TCAIM: variants seen among roughly 807,000 people sequenced by gnomAD.
TCAIM encodes T-cell activation inhibitor, mitochondrial.
Under a neutral mutation model 58.6 loss-of-function variants are expected in TCAIM, and 36 were observed. That is an observed-to-expected ratio of 0.61 (90% confidence interval 0.47 to 0.81). The LOEUF (loss-of-function observed/expected upper bound fraction) is 0.81, where lower values mean the gene tolerates loss of function less well. Among genes scored for constraint, TCAIM ranks in the 30% least tolerant of loss-of-function variants. The pLI, the probability that TCAIM is intolerant of heterozygous loss-of-function variation, is 0.00. For missense variants in TCAIM, 466 were observed against 579.6 expected (o/e 0.80, Z 2.01); for synonymous variants, 172 against 193.6 (o/e 0.89, Z 0.93).
chr3:44,363,345 C>T (rs73829634), intron 4 of TCAIM, among the ~76,000 whole-genome samples: 175 of 152,198 alleles, frequency 1.1e-3, no homozygotes, highest in African/African-American at 3.9e-3. Context: ...GCCTTTATAA[C>T]AAAGATTGGC....
intron 6 of TCAIM, among the ~76,000 whole-genome samples, chr3:44,393,461 A>G (rs1701872267): frequency 1.3e-5 from 2 of 152,130 alleles, no homozygotes; most frequent in African/African-American, 4.8e-5. Context: ...ACTTCATCTC[A>G]ATTTATATAT....
At chr3:44,351,033 T>C (rs1455992552) in intron 1 of TCAIM, among the ~76,000 whole-genome samples, 1 of 152,206 alleles carries the variant, frequency 6.6e-6, no homozygotes, top group Admixed American at 6.5e-5. Flanking sequence ...TGAGATGGAG[T>C]CTCACTCTCT....
At chr3:44,348,215 G>GTC (rs536258069) in intron 1 of TCAIM, among the ~76,000 whole-genome samples, 30 of 152,352 alleles carry the variant, frequency 2.0e-4, no homozygotes, top group Admixed American at 9.1e-4. Flanking sequence ...ACCCTCCACT[G>GTC]TAAGAGTTAC....
At chr3:44,395,135 A>G (rs1332038392) in intron 6 of TCAIM, among the ~76,000 whole-genome samples, 1 of 151,278 alleles carries the variant, frequency 6.6e-6, no homozygotes, top group Non-Finnish European at 1.5e-5. Flanking sequence ...TAAACAGCCT[A>G]TATAAAACAC....
Position 44,396,431 on chromosome 3 carries a change from T to C in TCAIM, c.727T>C (p.Cys243Arg). ...GAGGAGCTGGGGCATCGCCCACCGC[T>C]GTAGCCAGCTGCATAGTTTAAGCCG... ...WQRSWGIAHR[C>R]SQLHSLSRLA... is the part of the protein sequence containing the mutation. The change falls in exon 7 of 11, where the codon TGT (cysteine) becomes CGT (arginine). Residue 243 changes from cysteine to arginine, a missense_variant. Transcript: ENST00000342649. 6.2e-7 allele frequency: 1 copy of C among 1,613,892 alleles called. No homozygotes were observed. Among genetic ancestry groups the C allele is most frequent in the South Asian group, 1.1e-5 (1 of 91,032 alleles).
intron 1 of TCAIM, among the ~76,000 whole-genome samples, chr3:44,351,812 A>C (rs1475075369): frequency 6.6e-6 from 1 of 152,072 alleles, no homozygotes; most frequent in Non-Finnish European, 1.5e-5. Context: ...TTAATATTTA[A>C]ATGGATACCT....
chr3:44,390,529 T>C (rs1172489638), intron 5 of TCAIM, among the ~76,000 whole-genome samples: 1 of 152,052 alleles, frequency 6.6e-6, no homozygotes, highest in Non-Finnish European at 1.5e-5. Context: ...AGGCTAAGTC[T>C]GGAGGATCAC....
intron 4 of TCAIM, among the ~76,000 whole-genome samples, chr3:44,366,357 G>C (rs181442403): frequency 6.6e-6 from 1 of 151,088 alleles, no homozygotes; most frequent in African/African-American, 2.4e-5. Flanking sequence ...GTACAATCTC[G>C]GCTCACTGCA....
chr3:44,375,431 C>T (rs1186474364), intron 5 of TCAIM, among the ~76,000 whole-genome samples: 4 of 152,082 alleles, frequency 2.6e-5, no homozygotes, highest in African/African-American at 4.8e-5. Flanking sequence ...GAGGAGGAGG[C>T]GCCAGGCTAT....
chr3:44,371,561 G>C (rs941916632), intron 5 of TCAIM, among the ~76,000 whole-genome samples: 1 of 152,158 alleles, frequency 6.6e-6, no homozygotes, highest in Admixed American at 6.5e-5. Flanking sequence ...ATGCAGGGTA[G>C]GCTAAATCCC....
chr3:44,399,086 G>A (rs1264378437), intron 8 of TCAIM, among the ~76,000 whole-genome samples: 2 of 151,898 alleles, frequency 1.3e-5, no homozygotes, highest in Admixed American at 6.6e-5. Flanking sequence ...TTTGACTGTG[G>A]CAGTGTCACA....
chr3:44,353,870 G>C (rs900710557), intron 1 of TCAIM, among the ~76,000 whole-genome samples: 1 of 152,174 alleles, frequency 6.6e-6, no homozygotes, highest in Non-Finnish European at 1.5e-5. Flanking sequence ...CTCCAGGTGT[G>C]TGGCTTTTCT....
chr3:44,355,035 A>G (rs1236528304), intron 2 of TCAIM, among the ~76,000 whole-genome samples: 2 of 152,252 alleles, frequency 1.3e-5, no homozygotes, highest in African/African-American at 4.8e-5. Flanking sequence ...TTAGGTGTGA[A>G]AAGCTTAAAA....
Position 44,354,807 on chromosome 3 carries a change from A to G in TCAIM, c.25A>G (p.Arg9Gly), listed in dbSNP as rs201193706. 2.5e-6 allele frequency: 4 copies of G among 1,611,248 alleles called. No individual in the cohort carries two copies. The Admixed American group carries it at 6.8e-5, about 27-fold the overall frequency. ...AATGTTTTGCCACCTGAGACCTATG[A>G]GGAGGTAAGCATCATGGTCCAATCT... MFCHLRPM[R>G]RLCLEKIFPH... The change falls in exon 2 of 11, where the codon AGG becomes GGG. Residue 9 changes from arginine to glycine, a missense_variant. Coordinates refer to ENST00000342649, the MANE Select transcript of TCAIM (RefSeq NM_173826.4).
At chr3:44,358,343 AT>A (rs1279153530) in intron 3 of TCAIM, 2 of 756,000 alleles carry the variant, frequency 2.6e-6, no homozygotes, top group Non-Finnish European at 4.6e-6. Context: ...AAAATGACTT[AT>A]GGTAGATGTA....
chr3:44,358,366 C>A, intron 3 of TCAIM: 1 of 684,388 alleles, frequency 1.5e-6, no homozygotes, highest in South Asian at 1.8e-5. Context: ...TTAAGACAGT[C>A]AATATATTTT....
intron 5 of TCAIM, among the ~76,000 whole-genome samples, chr3:44,374,925 TTTC>T (rs1339994435): frequency 6.6e-6 from 1 of 152,204 alleles, no homozygotes; most frequent in East Asian, 1.9e-4. Context: ...GGATCATGGC[TTTC>T]TTTTTTCATC....
At chr3:44,400,310 A>G in intron 8 of TCAIM, 45 bp from the exon 9 acceptor site, 3 of 1,385,212 alleles carry the variant, frequency 2.2e-6, no homozygotes, top group Non-Finnish European at 3.0e-6. Flanking sequence ...AAATTATTAT[A>G]GTAACATAAA....
At chr3:44,384,171 T>C (rs1701698190) in intron 5 of TCAIM, among the ~76,000 whole-genome samples, 1 of 152,242 alleles carries the variant, frequency 6.6e-6, no homozygotes, top group South Asian at 2.1e-4. Flanking sequence ...TAAATCTCTG[T>C]GATTATAAAA....
Sources: gnomAD v4.1 joint callset for allele counts (sites outside exome capture counted in the v4.1 genomes callset) on GRCh38, gnomAD v4.1.1 for gene constraint, MANE v1.5 for transcripts, NCBI Gene and HGNC (gene_info 2026-07-23, HGNC 2026-07-21) for gene names.